The following UPF2 variants were observed in gnomAD, a reference collection of about 807,000 sequenced individuals.
UPF2 encodes UPF2 regulator of nonsense mediated mRNA decay, also known as regulator of nonsense transcripts 2.
A neutral mutation model predicts 141.4 loss-of-function variants in UPF2; 17 were observed. That is an observed-to-expected ratio of 0.12 (90% CI 0.08 to 0.18). The LOEUF (loss-of-function observed/expected upper bound fraction) is 0.18. Ranked by LOEUF, UPF2 falls within the 10% of genes least tolerant of loss-of-function variation. UPF2 has a pLI of 1.00. For missense variants in UPF2, 1,152 were observed against 1,515.9 expected, an observed-to-expected ratio of 0.76 and a Z score of 3.99; for synonymous variants, 540 against 498.0, an observed-to-expected ratio of 1.08 and a Z score of -1.12.
Position 11,936,435 on chromosome 10 carries a change from T to C in UPF2, c.3546+110A>G. The stretch of plus-strand genomic sequence containing the variant: ...ATAAGGGAAGAAATTATTCTACCAC[T>C]GAATGGTTTAAAACTGTCCAACCCT... On this transcript the variant is annotated intron_variant, in intron 19 of 21. Coordinates refer to ENST00000357604, the MANE Select transcript of UPF2 (RefSeq NM_015542.4). This position sits in a 1 kb window ranked among gnomAD's most constrained non-coding sequence, Gnocchi z 6.6. The C allele has an allele frequency of 8.8e-7, 1 of 1,135,160 alleles. No homozygotes were observed. The highest frequency in any genetic ancestry group is 1.2e-6 in the Non-Finnish European group (1 of 842,378). The allele number at this position is 1,135,160 out of a possible 1,614,324, so 70.3% of individuals were successfully genotyped here.
chr10:11,951,205 G>C (rs773868857), intron 15 of UPF2, among the ~76,000 whole-genome samples: 1 of 152,104 alleles, frequency 6.6e-6, no homozygotes, highest in Admixed American at 6.5e-5. Flanking sequence ...TGGGATTACA[G>C]GTGTGCGCCA....
rs140617322 is a variant in UPF2, at chr10:11,946,702, G to A, written c.3174+1667C>T. Among the ~76,000 whole-genome samples, 1,350 of 151,894 alleles carry A rather than the reference G, an allele frequency of 8.9e-3. 26 individuals carry two copies. The highest frequency in any genetic ancestry group is 0.031 in the African/African-American group (1,273 of 41,416). ...CCTAACCCATTCCCCAATCTACCTC[G>A]AGATTATAAAGCAAATCTCAGACAT... On this transcript the variant is annotated intron_variant, in intron 16 of 21. Transcript: ENST00000357604.
intron 3 of UPF2, among the ~76,000 whole-genome samples, chr10:12,018,536 G>A (rs574113354): frequency 5.3e-5 from 8 of 152,000 alleles, no homozygotes; most frequent in South Asian, 2.1e-4. Context: ...AGCCAAGACC[G>A]CACCACTGCA....
chr10:11,986,963 G>A (rs1833702297), intron 8 of UPF2, among the ~76,000 whole-genome samples: 1 of 152,220 alleles, frequency 6.6e-6, no homozygotes, highest in African/African-American at 2.4e-5. Context: ...CCTCTGAAGA[G>A]TATTCTGTTT....
At chr10:12,013,941 C>A in intron 4 of UPF2, 83 bp downstream of exon 4, 1 of 1,310,750 alleles carries the variant, frequency 7.6e-7, no homozygotes, top group East Asian at 2.8e-5. Context: ...CTTAAATTCT[C>A]AATACTGCAC....
chr10:11,979,113 T>G lies in UPF2; in HGVS notation c.1897A>C (p.Met633Leu). 6.2e-7 allele frequency: 1 copy of G among 1,613,640 alleles called. No individual in the cohort carries two copies. Among genetic ancestry groups the G allele is most frequent in the Non-Finnish European group, 8.5e-7 (1 of 1,179,728 alleles). ...CAAAGATCCTCTGCTACATCAGACA[T>G]GCAGGGATGCAATGTAGCAACCAAT... ...ARLVATLHPCMSDVAEDLCSM... is the reference protein window; with the variant it reads ...ARLVATLHPCLSDVAEDLCSM... The change falls in exon 9 of 22, where the codon ATG becomes CTG. Residue 633 changes from methionine to leucine, a missense_variant. By Grantham distance (15) the Met-to-Leu change is conservative. Transcript: ENST00000357604. This position sits in a 1 kb window ranked among gnomAD's most constrained non-coding sequence, Gnocchi z 6.2.
intron 20 of UPF2, among the ~76,000 whole-genome samples, chr10:11,930,964 G>A (rs911041310): frequency 6.6e-6 from 1 of 152,104 alleles, no homozygotes; most frequent in East Asian, 1.9e-4. Flanking sequence ...ACACCAAAAC[G>A]CTAGCCTATG....
rs1478437356 is a variant in UPF2, at chr10:12,038,603, C to T, written c.-18-3162G>A. The stretch of plus-strand genomic sequence containing the variant: ...AATTAAACAGGCATGGTGGAGGGTG[C>T]CTGTAATCCCAGCTACTCGGGAGGC... On this transcript the variant is annotated intron_variant, in intron 1 of 21. Coordinates refer to ENST00000357604, the MANE Select transcript of UPF2 (RefSeq NM_015542.4). Among the ~76,000 whole-genome samples the T allele has an allele frequency of 2.0e-5, 3 of 151,708 alleles. No homozygotes were observed. The East Asian group carries it at 5.8e-4, about 29-fold the overall frequency.
Position 11,958,131 on chromosome 10 carries a change from T to C in UPF2, c.2370+1040A>G, listed in dbSNP as rs572705152. On this transcript the variant is annotated intron_variant, in intron 12 of 21. Coordinates refer to ENST00000357604, the MANE Select transcript of UPF2 (RefSeq NM_015542.4). ...TTGGGAGGCTGAGGCAGGAGGAGGA[T>C]TGCTTGAGCCCAGGAGTTCGAGACC... 4.3e-4 allele frequency among the ~76,000 whole-genome samples: 65 copies of C among 152,176 alleles called. No individual in the cohort carries two copies. In the South Asian group the frequency reaches 1.0e-2, roughly 23 times the overall value.
intron 3 of UPF2, among the ~76,000 whole-genome samples, chr10:12,020,241 A>T (rs1299308570): frequency 6.6e-6 from 1 of 151,528 alleles, no homozygotes; most frequent in Non-Finnish European, 1.5e-5. Context: ...ATCCTAAAAA[A>T]TAAATTTTAT....
intron 9 of UPF2, among the ~76,000 whole-genome samples, chr10:11,969,474 CT>C (rs201045878): frequency 1.3e-5 from 2 of 151,786 alleles, no homozygotes; most frequent in African/African-American, 2.4e-5. Flanking sequence ...CCAGCCAGAA[CT>C]TTTTTTTAAT....
At chr10:11,972,354 T>A (rs1054840842) in intron 9 of UPF2, among the ~76,000 whole-genome samples, 40 of 152,172 alleles carry the variant, frequency 2.6e-4, no homozygotes. Flanking sequence ...TATAAATAAG[T>A]AAATTTGCCT....
intron 8 of UPF2, among the ~76,000 whole-genome samples, chr10:11,983,418 G>T (rs1833632649): frequency 6.6e-6 from 1 of 152,130 alleles, no homozygotes; most frequent in South Asian, 2.1e-4. Context: ...TGCCGCCCAG[G>T]CTGGAGTGCA....
chr10:11,992,404 A>G lies in UPF2; in HGVS notation c.1844+5268T>C, dbSNP rs1588557313. Reference sequence around the variant, plus strand: ...AGAAAACATTATTAACTAATATCAGATGAGTGACTAAAGAGAGTAAGAAAA... The same window carrying G: ...AGAAAACATTATTAACTAATATCAGGTGAGTGACTAAAGAGAGTAAGAAAA... On this transcript the variant is annotated intron_variant, in intron 8 of 21. Coordinates refer to ENST00000357604, the MANE Select transcript of UPF2 (RefSeq NM_015542.4). This position sits in a 1 kb window ranked among gnomAD's most constrained non-coding sequence, Gnocchi z 4.1. 6.6e-6 allele frequency among the ~76,000 whole-genome samples: 1 copy of G among 152,200 alleles called. No individual in the cohort carries two copies. The highest frequency in any genetic ancestry group is 2.4e-5 in the African/African-American group (1 of 41,442).
At chr10:11,972,253 A>G (rs1446027591) in intron 9 of UPF2, among the ~76,000 whole-genome samples, 6 of 152,060 alleles carry the variant, frequency 3.9e-5, no homozygotes, top group African/African-American at 7.2e-5. Context: ...ATCTTCCATA[A>G]TTTGCTCACT....
chr10:11,963,030 T>C (rs915622884), intron 11 of UPF2, among the ~76,000 whole-genome samples: 1 of 152,192 alleles, frequency 6.6e-6, no homozygotes, highest in Admixed American at 6.5e-5. Flanking sequence ...GACTGTCCTA[T>C]TAGGCTATAA....
chr10:12,002,597 G>A (rs1447955876), intron 5 of UPF2, among the ~76,000 whole-genome samples: 2 of 152,124 alleles, frequency 1.3e-5, no homozygotes, highest in Non-Finnish European at 2.9e-5. Flanking sequence ...GTCAGAAAAG[G>A]GTAGATGTAG....
chr10:11,946,049 T>C (rs1832996304), intron 16 of UPF2, among the ~76,000 whole-genome samples: 1 of 152,230 alleles, frequency 6.6e-6, no homozygotes, highest in Admixed American at 6.5e-5. Context: ...AACTTATTTA[T>C]ATCTAAGGAA....
Position 11,995,510 on chromosome 10 carries a change from C to T in UPF2, c.1844+2162G>A, listed in dbSNP as rs140372570. 1.2e-4 allele frequency among the ~76,000 whole-genome samples: 19 copies of T among 152,228 alleles called. No homozygotes were observed. In the East Asian group the frequency reaches 3.7e-3, roughly 29 times the overall value. ...GAATTTAAAAAAGAGGTTTGGCTGG[C>T]GCGGTGGCTCACACATCTAATCCCA... On this transcript the variant is annotated intron_variant, in intron 8 of 21. Transcript: ENST00000357604.
Sources: allele counts gnomAD v4.1 joint callset (sites outside exome capture counted in the v4.1 genomes callset), GRCh38; gene constraint gnomAD v4.1.1; non-coding constraint Gnocchi (gnomAD v3.1); transcripts MANE v1.5; gene names NCBI Gene and HGNC (gene_info 2026-07-23, HGNC 2026-07-21).